The following IAPP variants were observed in gnomAD, a reference collection of about 807,000 sequenced individuals.
The protein encoded by IAPP is Islet amyloid polypeptide (diabetes-associated peptide; amylin).
A neutral mutation model predicts 2.9 loss-of-function variants in IAPP; 4 were observed. That is an observed-to-expected ratio of 1.39 (90% confidence interval 0.69 to 3.19). The LOEUF (loss-of-function observed/expected upper bound fraction) is 3.19, where lower values mean the gene tolerates loss of function less well. Ranked by LOEUF, IAPP falls within the 30% of genes most tolerant of loss-of-function variation. IAPP has a pLI of 0.01. For synonymous variants in IAPP, 40 were observed against 42.1 expected (o/e 0.95, Z 0.19); for missense variants, 114 against 105.3 (o/e 1.08, Z -0.36).
At chr12:21,365,750 A>T (rs1939325156) in intron 1 of IAPP, among the ~76,000 whole-genome samples, 1 of 152,252 alleles carries the variant, frequency 6.6e-6, no homozygotes, top group South Asian at 2.1e-4. Flanking sequence ...ATATGAACAG[A>T]CACTTCTCAA....
chr12:21,361,492 G>A (rs1304902081), intron 1 of IAPP, among the ~76,000 whole-genome samples: 4 of 152,188 alleles, frequency 2.6e-5, no homozygotes, highest in Non-Finnish European at 1.5e-5. Flanking sequence ...CTCCTCCAAA[G>A]GAACAGAGCT....
Position 21,357,142 on chromosome 12 carries a change from G to A in IAPP, c.-16+2129G>A, listed in dbSNP as rs188462760. On this transcript the variant is annotated intron_variant, in intron 1 of 2. Transcript: ENST00000539393. ...AACTGTGTCCCTGCAAAATGCATCT[G>A]TTGAAGTCCAAATAGTACCTCAGAA... Among the ~76,000 whole-genome samples the A allele has an allele frequency of 1.8e-4, 28 of 152,290 alleles. 1 individual carries two copies. The East Asian group carries it at 2.1e-3, about 12-fold the overall frequency.
chr12:21,361,199 G>A (rs1938841563), intron 1 of IAPP, among the ~76,000 whole-genome samples: 1 of 152,172 alleles, frequency 6.6e-6, no homozygotes, highest in African/African-American at 2.4e-5. Flanking sequence ...CCAGAGGAAG[G>A]ATCAGACAGC....
chr12:21,362,635 G>T (rs1939010355), intron 1 of IAPP, among the ~76,000 whole-genome samples: 1 of 152,160 alleles, frequency 6.6e-6, no homozygotes, highest in Non-Finnish European at 1.5e-5. Context: ...ACGCATCAGT[G>T]TGTGGTATTC....
At chr12:21,367,045 A>C (rs958504585) in intron 1 of IAPP, among the ~76,000 whole-genome samples, 2 of 152,128 alleles carry the variant, frequency 1.3e-5, no homozygotes, top group Non-Finnish European at 2.9e-5. Flanking sequence ...ACACCAAAGC[A>C]TATCAGCCTG....
At chr12:21,362,325 A>C (rs1384000851) in intron 1 of IAPP, among the ~76,000 whole-genome samples, 3 of 152,162 alleles carry the variant, frequency 2.0e-5, no homozygotes, top group Non-Finnish European at 2.9e-5. Flanking sequence ...GGAGAAATAA[A>C]ATGCTTTACA....
chr12:21,365,306 C>G (rs1195893699), intron 1 of IAPP, among the ~76,000 whole-genome samples: 1 of 152,150 alleles, frequency 6.6e-6, no homozygotes, highest in Non-Finnish European at 1.5e-5. Context: ...AAAGGATTCC[C>G]TATTTAATAA....
At chr12:21,363,216 A>C (rs1005927455) in intron 1 of IAPP, among the ~76,000 whole-genome samples, 128 of 152,316 alleles carry the variant, frequency 8.4e-4, no homozygotes, top group African/African-American at 2.8e-3. Flanking sequence ...CAGTGCAATC[A>C]AACTAGAACT....
chr12:21,363,761 A>G (rs977572608), intron 1 of IAPP, among the ~76,000 whole-genome samples: 1 of 152,230 alleles, frequency 6.6e-6, no homozygotes, highest in African/African-American at 2.4e-5. Context: ...AGAGAATACT[A>G]TAAACACCTC....
At chr12:21,358,989 G>A (rs528773666) in intron 1 of IAPP, among the ~76,000 whole-genome samples, 127 of 152,264 alleles carry the variant, frequency 8.3e-4, no homozygotes, top group African/African-American at 2.8e-3. Flanking sequence ...ACTGAGGAGA[G>A]ATAATGACTT....
intron 1 of IAPP, chr12:21,355,074 A>G (rs1565513087): frequency 6.6e-6 from 1 of 152,208 alleles, no homozygotes; most frequent in Non-Finnish European, 1.5e-5. Flanking sequence ...CTATAAAAAA[A>G]TCAACTTAAC....
At chr12:21,367,164 T>A (rs2045940) in intron 1 of IAPP, among the ~76,000 whole-genome samples, 2 of 152,012 alleles carry the variant, frequency 1.3e-5, no homozygotes, top group Non-Finnish European at 2.9e-5. Context: ...GCCACATTAG[T>A]GGTTAGAATA....
intron 1 of IAPP, among the ~76,000 whole-genome samples, chr12:21,359,650 G>C (rs1938659775): frequency 6.6e-6 from 1 of 152,022 alleles, no homozygotes; most frequent in Non-Finnish European, 1.5e-5. Context: ...GGGAGGCTGA[G>C]GCAGGAGAAT....
intron 1 of IAPP, among the ~76,000 whole-genome samples, chr12:21,355,837 G>A (rs1029299644): frequency 2.0e-5 from 3 of 151,938 alleles, no homozygotes; most frequent in Non-Finnish European, 4.4e-5. Flanking sequence ...TATATAAAAT[G>A]GTTAAAAGAT....
intron 1 of IAPP, among the ~76,000 whole-genome samples, chr12:21,362,024 A>C (rs1201427134): frequency 6.6e-6 from 1 of 152,180 alleles, no homozygotes; most frequent in Non-Finnish European, 1.5e-5. Context: ...GCCAACATTC[A>C]AATTCAGAAA....
At chr12:21,369,603 CTGA>C (rs1158533908), upstream of IAPP, among the ~76,000 whole-genome samples, 3 of 152,158 alleles carry the variant, frequency 2.0e-5, no homozygotes, top group South Asian at 2.1e-4. Context: ...CACATCCAGA[CTGA>C]TGTTTTAAAG....
chr12:21,371,035 C>T (rs1398409087), upstream of IAPP, among the ~76,000 whole-genome samples: 1 of 152,230 alleles, frequency 6.6e-6, no homozygotes, highest in Non-Finnish European at 1.5e-5. Context: ...AACCCATATG[C>T]AGAGAGTAGC....
In IAPP at chr12:21,358,754, T is replaced by A. The variant is rs373719701; in HGVS notation, c.-16+3741T>A. Among the ~76,000 whole-genome samples, 527 of 134,450 alleles carry A rather than the reference T, an allele frequency of 3.9e-3. 4 individuals are homozygous for A. The highest frequency in any genetic ancestry group is 0.014 in the African/African-American group (499 of 34,762). The allele number at this position is 134,450 out of a possible 152,430, so 88.2% of individuals were successfully genotyped here. On this transcript the variant is annotated intron_variant, in intron 1 of 2. Transcript: ENST00000539393. ...AAAATAAAAAGCGGTTTGTTGGAGA[T>A]ACTTTTAAAATATAAAGATGCAAAC...
intron 2 of IAPP, among the ~76,000 whole-genome samples, chr12:21,374,795 TTTTTTA>T (rs1482744651): frequency 6.6e-6 from 1 of 151,466 alleles, no homozygotes; most frequent in African/African-American, 2.4e-5. Context: ...ACCCTCTCTT[TTTTTTA>T]TTTTATTTTG....
Sources: gnomAD v4.1 joint callset for allele counts (sites outside exome capture counted in the v4.1 genomes callset) on GRCh38, gnomAD v4.1.1 for gene constraint, MANE v1.5 for transcripts, NCBI Gene and HGNC (gene_info 2026-07-23, HGNC 2026-07-21) for gene names.